Variants in ZNF33B observed in about 807,000 individuals in gnomAD.
The protein encoded by ZNF33B is zinc finger protein 33B.
Under a neutral mutation model 45.8 loss-of-function variants are expected in ZNF33B, and 29 were observed. The observed-to-expected ratio is 0.63, with a 90% confidence interval of 0.47 to 0.86. The LOEUF is 0.86. Ranked by LOEUF, ZNF33B falls within the 40% of genes least tolerant of loss-of-function variation. The probability of loss-of-function intolerance (pLI) is 0.00; values close to 1 mark genes in which losing one functional copy is unlikely to be tolerated. For synonymous variants in ZNF33B, 305 were observed against 307.8 expected (o/e 0.99, Z 0.10); for missense variants, 831 against 909.9 (o/e 0.91, Z 1.12).
At chr10:42,583,352 A>G in intron 1 of ZNF33B, 1 of 388,702 alleles carries the variant, frequency 2.6e-6, no homozygotes, top group Non-Finnish European at 4.9e-6. Flanking sequence ...GGCAAAACAA[A>G]CAGGCATTCC....
At chr10:42,607,480 A>G (rs1298026085) in intron 4 of ZNF33B, among the ~76,000 whole-genome samples, 2 of 152,166 alleles carry the variant, frequency 1.3e-5, no homozygotes, top group Non-Finnish European at 2.9e-5. Context: ...CTTCATCTCT[A>G]TGTGATATGT....
rs187440572 is a variant in ZNF33B at position 42,580,389 on chromosome 10, T to C, written c.74-5711A>G. Among the ~76,000 whole-genome samples, 560 of 152,134 alleles carry C rather than the reference T, an allele frequency of 3.7e-3. 1 individual carries two copies. The highest frequency in any genetic ancestry group is 6.2e-3 in the Non-Finnish European group (423 of 68,012). On this transcript the variant is annotated intron_variant, in intron 1 of 1. Transcript: ENST00000462075. ...CCAAGTAGCTGGGATTACAGGTATG[T>C]GCCACATCTGGCTAATTTTTGTATT... is the stretch of plus-strand genomic sequence containing the variant.
intron 4 of ZNF33B, among the ~76,000 whole-genome samples, chr10:42,606,452 G>A (rs1017587157): frequency 1.3e-5 from 2 of 152,204 alleles, no homozygotes; most frequent in South Asian, 2.1e-4. Flanking sequence ...GCAACAAAGC[G>A]AGACTCCATC....
chr10:42,632,857 T>C (rs1439133732), intron 2 of ZNF33B: 1 of 193,430 alleles, frequency 5.2e-6, no homozygotes, highest in Non-Finnish European at 1.0e-5. Flanking sequence ...ACGTCCTTCA[T>C]AAGCACGGGG....
At chr10:42,621,276 G>C (rs971147104) in intron 4 of ZNF33B, among the ~76,000 whole-genome samples, 2 of 151,870 alleles carry the variant, frequency 1.3e-5, no homozygotes, top group African/African-American at 4.8e-5. Context: ...AGGCTACAGT[G>C]AGCCATAATT....
chr10:42,618,200 T>G (rs1305164863), intron 4 of ZNF33B, among the ~76,000 whole-genome samples: 3 of 152,166 alleles, frequency 2.0e-5, no homozygotes, highest in Non-Finnish European at 4.4e-5. Context: ...AGAACAAACA[T>G]GTAAATTTTT....
At chr10:42,604,472 T>C (rs1286099500) in intron 4 of ZNF33B, among the ~76,000 whole-genome samples, 1 of 152,046 alleles carries the variant, frequency 6.6e-6, no homozygotes, top group Non-Finnish European at 1.5e-5. Context: ...AAAATAAATA[T>C]GTTCATAAGG....
At chr10:42,611,071 G>T (rs553957275) in intron 4 of ZNF33B, among the ~76,000 whole-genome samples, 1 of 152,094 alleles carries the variant, frequency 6.6e-6, no homozygotes. Flanking sequence ...TTGGCTGGTC[G>T]TGGTAGCTCA....
chr10:42,593,617 CA>C lies in ZNF33B; in HGVS notation c.1332del (p.Tyr444Ter). 4 of 1,614,036 alleles carry C rather than the reference CA, an allele frequency of 2.5e-6. No individual in the cohort carries two copies. Among genetic ancestry groups the C allele is most frequent in the Non-Finnish European group, 3.4e-6 (4 of 1,179,960 alleles). On this transcript the variant is annotated frameshift_variant, in exon 5 of 5. Transcript: ENST00000359467. LOFTEE classifies it high-confidence loss of function. ...TTCATACAGAAGGATTTTCCACATT[CA>C]TAACATTCATAGGGTTTCTGCCCTG... is the stretch of plus-strand genomic sequence containing the variant. The part of the protein sequence containing the change: ...THTGQKPYEC[Y>X]ECGKSFCMNS...
At chr10:42,584,220 G>C (rs1836882741), downstream of ZNF33B, among the ~76,000 whole-genome samples, 1 of 152,190 alleles carries the variant, frequency 6.6e-6, no homozygotes, top group African/African-American at 2.4e-5. Flanking sequence ...CACCCACTTA[G>C]TCTCGTTTCT....
At chr10:42,575,335 G>A (rs1453757440) in intron 1 of ZNF33B, among the ~76,000 whole-genome samples, 1 of 152,076 alleles carries the variant, frequency 6.6e-6, no homozygotes. Flanking sequence ...TGGCAAAGAG[G>A]AGCAGCAGGA....
downstream of ZNF33B, among the ~76,000 whole-genome samples, chr10:42,588,567 T>C (rs1239336648): frequency 4.6e-5 from 7 of 152,136 alleles, no homozygotes; most frequent in Non-Finnish European, 7.3e-5. Flanking sequence ...TACCCGACAC[T>C]GGACAGATAA....
At chr10:42,604,711 C>T (rs1589038742) in intron 4 of ZNF33B, among the ~76,000 whole-genome samples, 3 of 152,024 alleles carry the variant, frequency 2.0e-5, no homozygotes, top group Non-Finnish European at 4.4e-5. Context: ...TCTAGGAGTT[C>T]GAGACCAGCC....
At position 42,593,362 on chromosome 10, in the gene ZNF33B, A is replaced by G. The variant is rs1179902055; in HGVS notation, c.1588T>C (p.Cys530Arg). ...TGLKPYECYE[C>R]GKTFCLKSDL... Reference sequence around the variant, plus strand: ...GACTTCAAGCAGAAGGTTTTCCCACATTCATAACATTCATAAGGTTTCAAC... The same window carrying G: ...GACTTCAAGCAGAAGGTTTTCCCACGTTCATAACATTCATAAGGTTTCAAC... The change falls in exon 5 of 5, where the codon TGT (cysteine) becomes CGT (arginine). Residue 530 changes from cysteine (C) to arginine (R), a missense_variant. By Grantham distance (180) the Cys-to-Arg change is radical. Coordinates refer to ENST00000359467, the MANE Select transcript of ZNF33B (RefSeq NM_006955.3). The G allele has an allele frequency of 6.2e-7, 1 of 1,613,896 alleles. No homozygotes were observed. The highest frequency in any genetic ancestry group is 1.1e-5 in the South Asian group (1 of 91,066).
At chr10:42,606,488 A>G (rs1589041136) in intron 4 of ZNF33B, among the ~76,000 whole-genome samples, 1 of 152,158 alleles carries the variant, frequency 6.6e-6, no homozygotes, top group African/African-American at 2.4e-5. Context: ...ATAGGTACAG[A>G]TCTGTACTGG....
intron 1 of ZNF33B, among the ~76,000 whole-genome samples, chr10:42,583,808 T>A (rs1467764658): frequency 6.6e-6 from 1 of 152,000 alleles, no homozygotes; most frequent in African/African-American, 2.4e-5. Flanking sequence ...CACTTCTGCC[T>A]CACAGATGAG....
chr10:42,637,552 C>T (rs1839371718), intron 1 of ZNF33B, among the ~76,000 whole-genome samples: 1 of 152,146 alleles, frequency 6.6e-6, no homozygotes, highest in African/African-American at 2.4e-5. Context: ...TTAGTTCTCC[C>T]TACTAACAAA....
intron 4 of ZNF33B, among the ~76,000 whole-genome samples, chr10:42,611,716 C>A (rs941379828): frequency 6.6e-6 from 1 of 152,174 alleles, no homozygotes; most frequent in Non-Finnish European, 1.5e-5. Context: ...AACTTGTACA[C>A]AGAATATGTA....
Position 42,594,073 on chromosome 10 carries a change from G to A in ZNF33B, c.877C>T (p.His293Tyr), listed in dbSNP as rs1837282389. Residue 293 changes from histidine (H) to tyrosine (Y), a missense_variant, in exon 5 of 5, where the codon CAT (histidine) becomes TAT (tyrosine). By Grantham distance (83) the His-to-Tyr change is moderately conservative. Transcript: ENST00000359467. ...TAGTGTTTCACAGGTACCCCATCAT[G>A]TTTAGAAAGGGTGGACTTCACACAT... ...FLCVKSTLSKHDGVPVKHYDC... is the reference protein window; with the variant it reads ...FLCVKSTLSKYDGVPVKHYDC... 1 of 1,613,918 alleles carries A rather than the reference G, an allele frequency of 6.2e-7. No homozygotes were observed. The highest frequency in any genetic ancestry group is 1.7e-5 in the Admixed American group (1 of 59,990).
Sources: allele counts gnomAD v4.1 joint callset (sites outside exome capture counted in the v4.1 genomes callset), GRCh38; gene constraint gnomAD v4.1.1; transcripts MANE v1.5; gene names NCBI Gene and HGNC (gene_info 2026-07-23, HGNC 2026-07-21).